The following PIKFYVE variants were observed in gnomAD, a reference collection of about 807,000 sequenced individuals.
The protein encoded by PIKFYVE is 1-phosphatidylinositol 3-phosphate 5-kinase.
PIKFYVE carries 122 observed loss-of-function variants against 257.9 expected under a neutral mutation model. The ratio of observed to expected loss-of-function variants is 0.47; its 90% CI spans 0.41 to 0.55. The LOEUF (loss-of-function observed/expected upper bound fraction) is 0.55, where lower values mean the gene tolerates loss of function less well. PIKFYVE is among the 20% of genes least tolerant of loss of function. PIKFYVE has a pLI of 0.00. For missense variants in PIKFYVE, 2,160 were observed against 2,536.6 expected (o/e 0.85, Z 3.19); for synonymous variants, 892 against 868.9 (o/e 1.03, Z -0.47).
chr2:208,325,703 G>A lies in PIKFYVE; in HGVS notation c.2892G>A (p.Pro964=), dbSNP rs146556775. The A allele has an allele frequency of 1.7e-3, 2,761 of 1,613,698 alleles. 8 individuals carry two copies. Among genetic ancestry groups the A allele is most frequent in the South Asian group, 3.3e-3 (303 of 91,020 alleles). Residue 964 remains proline, a synonymous_variant, in exon 20 of 42, where the codon CCG becomes CCA. Transcript: ENST00000264380. ...AAGAACATAGCACAACAGCTTGCCC[G>A]GCGGGTCTCCCTTGTGCTTTCTTTG... ...KHQEHSTTAC[P]AGLPCAFFAP...
intron 21 of PIKFYVE, 109 bp from the exon 22 acceptor site, chr2:208,329,733 C>T (rs1697300614): frequency 6.6e-7 from 1 of 1,514,276 alleles, no homozygotes; most frequent in Admixed American, 2.0e-5. Flanking sequence ...TCCTTTCATA[C>T]TTCATTGTAA....
intron 3 of PIKFYVE, among the ~76,000 whole-genome samples, chr2:208,276,224 T>A (rs1690086142): frequency 6.6e-6 from 1 of 152,234 alleles, no homozygotes; most frequent in South Asian, 2.1e-4. Flanking sequence ...TTTCTGATCA[T>A]CTTCTGTATG....
intron 9 of PIKFYVE, 51 bp from the exon 10 acceptor site, chr2:208,302,191 A>G (rs1285265367): frequency 2.0e-6 from 3 of 1,493,570 alleles, no homozygotes; most frequent in Admixed American, 3.3e-5. Context: ...CTGGTACTTA[A>G]CTATTCTGAC....
chr2:208,304,230 A>G lies in PIKFYVE; in HGVS notation c.1380A>G (p.Gly460=). 3.1e-6 allele frequency: 5 copies of G among 1,614,038 alleles called. No individual in the cohort carries two copies. Among genetic ancestry groups the G allele is most frequent in the Non-Finnish European group, 4.2e-6 (5 of 1,179,904 alleles). The stretch of plus-strand genomic sequence containing the variant: ...GTGACTCAGTGAACTCCGTGGAAGG[A>G]CACTCTGAGCCATCCTGGTTTAAAG... ...PDSDSVNSVE[G]HSEPSWFKDI... is the part of the protein sequence containing the mutation. Residue 460 remains glycine (G), a synonymous_variant, in exon 11 of 42, where the codon GGA becomes GGG. Coordinates refer to ENST00000264380, the MANE Select transcript of PIKFYVE (RefSeq NM_015040.4).
chr2:208,300,560 CA>C (rs1693558056), intron 8 of PIKFYVE, among the ~76,000 whole-genome samples: 1 of 152,144 alleles, frequency 6.6e-6, no homozygotes, highest in Non-Finnish European at 1.5e-5. Context: ...GTTGGGTACA[CA>C]GTGAGAATCT....
chr2:208,331,605 G>A (rs1488768076), intron 23 of PIKFYVE, among the ~76,000 whole-genome samples: 1 of 152,212 alleles, frequency 6.6e-6, no homozygotes, highest in African/African-American at 2.4e-5. Context: ...TCAAACTCCT[G>A]ACCTCGGGTG....
chr2:208,303,477 T>G (rs975173459), intron 10 of PIKFYVE, among the ~76,000 whole-genome samples: 4 of 152,228 alleles, frequency 2.6e-5, no homozygotes, highest in African/African-American at 7.2e-5. Flanking sequence ...ATATACCATA[T>G]TCTTACAATA....
intron 20 of PIKFYVE, among the ~76,000 whole-genome samples, chr2:208,327,961 A>G (rs1392514794): frequency 6.6e-6 from 1 of 152,186 alleles, no homozygotes; most frequent in Non-Finnish European, 1.5e-5. Flanking sequence ...CTATCTAGAC[A>G]TTGTTTTGTA....
chr2:208,340,163 A>G, intron 31 of PIKFYVE, 32 bp downstream of exon 31: 1 of 1,611,764 alleles, frequency 6.2e-7, no homozygotes, highest in Non-Finnish European at 8.5e-7. Flanking sequence ...GGCTCTTAGC[A>G]GGGGGGTTAT....
At chr2:208,293,811 T>A (rs1692623589) in intron 7 of PIKFYVE, among the ~76,000 whole-genome samples, 1 of 152,024 alleles carries the variant, frequency 6.6e-6, no homozygotes, top group African/African-American at 2.4e-5. Flanking sequence ...CCACCATGCT[T>A]GGTCTTTAAG....
At chr2:208,351,132 A>G (rs551116527) in intron 37 of PIKFYVE, among the ~76,000 whole-genome samples, 185 bp downstream of exon 37, 1 of 152,350 alleles carries the variant, frequency 6.6e-6, no homozygotes, top group East Asian at 1.9e-4. Context: ...CTGAACTTAG[A>G]TGTGTTATTG....
chr2:208,325,726 T>C lies in PIKFYVE; in HGVS notation c.2915T>C (p.Phe972Ser), dbSNP rs745752496. ...ACPAGLPCAF[F>S]APVPESLLPL... The stretch of plus-strand genomic sequence containing the variant: ...CCGGCGGGTCTCCCTTGTGCTTTCT[T>C]TGCACCTGTACCGGAATCATTGTTG... The change falls in exon 20 of 42, where the codon TTT becomes TCT. Residue 972 changes from phenylalanine to serine, a missense_variant. Phe to Ser is a radical substitution (Grantham distance 155). Coordinates refer to ENST00000264380, the MANE Select transcript of PIKFYVE (RefSeq NM_015040.4). 4 of 1,613,384 alleles carry C rather than the reference T, an allele frequency of 2.5e-6. No homozygotes were observed. The East Asian group carries it at 6.7e-5, about 27-fold the overall frequency.
chr2:208,337,397 G>T (rs374547704), intron 28 of PIKFYVE, among the ~76,000 whole-genome samples: 1 of 151,810 alleles, frequency 6.6e-6, no homozygotes, highest in East Asian at 1.9e-4. Flanking sequence ...AAACATAGTG[G>T]CCAAAACCAC....
rs1162018076 is a variant in PIKFYVE at position 208,325,871 on chromosome 2, G to C, written c.3060G>C (p.Gln1020His). Residue 1020 changes from glutamine (Q) to histidine (H), a missense_variant, in exon 20 of 42, where the codon CAG (glutamine) becomes CAC (histidine). By Grantham distance (24) the Gln-to-His change is conservative. Transcript: ENST00000264380. ...TAAGAGCCTTTAGAGACCCTCTACA[G>C]GATGACACTGGATTATATGTTACTG... Reference protein sequence around the residue: ...SQIRAFRDPLQDDTGLYVTEE... With the variant: ...SQIRAFRDPLHDDTGLYVTEE... The C allele has an allele frequency of 2.5e-6, 4 of 1,613,926 alleles. No homozygotes were observed. The highest frequency in any genetic ancestry group is 3.4e-6 in the Non-Finnish European group (4 of 1,179,988).
chr2:208,346,026 TC>T (rs1489483494), intron 33 of PIKFYVE, 23 bp from the exon 34 acceptor site: 2 of 1,552,012 alleles, frequency 1.3e-6, no homozygotes, highest in Non-Finnish European at 1.8e-6. Flanking sequence ...ACTAAATTTT[TC>T]TTTTTTTTTC....
At chr2:208,316,866 AAAAC>A (rs1161798123) in intron 15 of PIKFYVE, among the ~76,000 whole-genome samples, 9 of 152,360 alleles carry the variant, frequency 5.9e-5, no homozygotes, top group African/African-American at 2.2e-4. Flanking sequence ...AAACCTGAGA[AAAAC>A]AAGCAATGGG....
Position 208,353,882 on chromosome 2 carries a change from A to G in PIKFYVE, c.5845-16A>G. 1 of 1,613,354 alleles carries G rather than the reference A, an allele frequency of 6.2e-7. No individual in the cohort carries two copies. The highest frequency in any genetic ancestry group is 1.7e-4 in the Middle Eastern group (1 of 6,060). ...GCAACCTGTACATAAATGACAAAGC[A>G]TTTTCTTTTTACTAGGTTTTTGATT... On this transcript the variant is annotated splice_polypyrimidine_tract_variant and intron_variant, in intron 39 of 41. Transcript: ENST00000264380.
intron 34 of PIKFYVE, 114 bp downstream of exon 34, chr2:208,346,261 A>T: frequency 1.2e-6 from 1 of 824,132 alleles, no homozygotes; most frequent in African/African-American, 1.7e-5. Context: ...ACTACTTATG[A>T]TCTCTGAAAT....
intron 8 of PIKFYVE, among the ~76,000 whole-genome samples, chr2:208,299,577 C>T (rs562999136): frequency 2.6e-5 from 4 of 152,128 alleles, no homozygotes; most frequent in Non-Finnish European, 4.4e-5. Flanking sequence ...CGTGAGCCAC[C>T]GCGCCTGGCC....
Sources: allele counts gnomAD v4.1 joint callset (sites outside exome capture counted in the v4.1 genomes callset), GRCh38; gene constraint gnomAD v4.1.1; transcripts MANE v1.5; gene names NCBI Gene and HGNC (gene_info 2026-07-23, HGNC 2026-07-21).